Variants in NLGN4X observed in about 807,000 individuals in gnomAD.
NLGN4X encodes neuroligin 4 X-linked.
A neutral mutation model predicts 40.3 loss-of-function variants in NLGN4X; 3 were observed. The observed-to-expected ratio is 0.07, with a 90% CI of 0.03 to 0.19. The LOEUF is 0.19. Among genes scored for constraint, NLGN4X ranks in the 10% least tolerant of loss-of-function variants. The pLI, the probability that NLGN4X is intolerant of heterozygous loss-of-function variation, is 1.00. For missense variants in NLGN4X, 382 were observed against 708.3 expected, an observed-to-expected ratio of 0.54 and a Z score of 5.23; for synonymous variants, 270 against 306.8, an observed-to-expected ratio of 0.88 and a Z score of 1.25.
At chrX:6,218,475 C>T (rs28590263) in intron 1 of NLGN4X, among the ~76,000 whole-genome samples, 436 of 17,150 alleles carry the variant, frequency 0.025, no homozygotes, top group African/African-American at 0.11. Flanking sequence ...AGATTAAACC[C>T]ACACACACAC....
chrX:6,217,220 C>T (rs928878951), intron 1 of NLGN4X, among the ~76,000 whole-genome samples: 3 of 111,758 alleles, frequency 2.7e-5, no homozygotes, highest in Admixed American at 9.5e-5. Context: ...TTTACATATA[C>T]AAATATATGT....
intron 2 of NLGN4X, among the ~76,000 whole-genome samples, chrX:6,102,943 A>G (rs2038951047): frequency 9.0e-6 from 1 of 111,423 alleles, no homozygotes; most frequent in Non-Finnish European, 1.9e-5. Context: ...CATCAGAAAA[A>G]TGACTCAATT....
chrX:6,208,486 A>C (rs1914466862), intron 1 of NLGN4X, among the ~76,000 whole-genome samples: 1 of 112,081 alleles, frequency 8.9e-6, no homozygotes, highest in African/African-American at 3.2e-5. Flanking sequence ...GTTATGAAAA[A>C]CATCTTCCAA....
intron 3 of NLGN4X, among the ~76,000 whole-genome samples, chrX:5,910,188 C>T (rs1272778979): frequency 8.9e-6 from 1 of 111,900 alleles, no homozygotes; most frequent in Non-Finnish European, 1.9e-5. Flanking sequence ...AAGACATACA[C>T]TCTCCTACTC....
At chrX:5,980,985 T>C (rs1430101982) in intron 3 of NLGN4X, among the ~76,000 whole-genome samples, 1 of 111,768 alleles carries the variant, frequency 8.9e-6, no homozygotes, top group East Asian at 2.8e-4. Context: ...TGTAGATTAA[T>C]TTGTACAAAA....
At chrX:6,170,010 A>AT (rs770344945) in intron 1 of NLGN4X, among the ~76,000 whole-genome samples, 84 of 103,906 alleles carry the variant, frequency 8.1e-4, no homozygotes, top group Non-Finnish European at 1.0e-3. Context: ...ACTGGACAAG[A>AT]TTTTTTTTTT....
At chrX:5,990,420 C>T (rs1333332381) in intron 3 of NLGN4X, among the ~76,000 whole-genome samples, 3 of 110,750 alleles carry the variant, frequency 2.7e-5, no homozygotes, top group Non-Finnish European at 3.8e-5. Flanking sequence ...GGGCGGGAGG[C>T]TGCAAGATGC....
At chrX:5,981,585 A>C (rs1199455616) in intron 3 of NLGN4X, among the ~76,000 whole-genome samples, 1 of 109,856 alleles carries the variant, frequency 9.1e-6, no homozygotes, top group Non-Finnish European at 1.9e-5. Context: ...ATTAAAAATA[A>C]TAAATATAAA....
intron 1 of NLGN4X, among the ~76,000 whole-genome samples, chrX:6,197,824 G>A (rs1236173885): frequency 9.1e-6 from 1 of 110,342 alleles, no homozygotes; most frequent in Admixed American, 9.7e-5. Flanking sequence ...AGCACTTCGG[G>A]AGGCTGAGGA....
chrX:6,144,936 G>C lies in NLGN4X; in HGVS notation c.472+6059C>G, dbSNP rs760470650. Among the ~76,000 whole-genome samples, 74 of 111,040 alleles carry C rather than the reference G, an allele frequency of 6.7e-4. 1 individual carries two copies. The highest frequency in any genetic ancestry group is 3.8e-4 in the Non-Finnish European group (20 of 52,993). On this transcript the variant is annotated intron_variant, in intron 2 of 5. Coordinates refer to ENST00000381095, the MANE Select transcript of NLGN4X (RefSeq NM_181332.3). ...GGCTGGGGGGTAGGGGTGGAGGGCG[G>C]TGCTTGCACATCTCTCAGGGACCAT...
At chrX:6,053,712 T>G (rs995495627) in intron 2 of NLGN4X, among the ~76,000 whole-genome samples, 1 of 111,894 alleles carries the variant, frequency 8.9e-6, no homozygotes, top group East Asian at 2.8e-4. Context: ...AAATTGACTC[T>G]GGCTCCTCCA....
chrX:6,009,792 G>A (rs757327590), intron 3 of NLGN4X, among the ~76,000 whole-genome samples: 4 of 112,334 alleles, frequency 3.6e-5, no homozygotes, highest in Non-Finnish European at 5.6e-5. Context: ...GTCCAGGCCC[G>A]TGGGAACACG....
chrX:6,163,376 A>C (rs2040438008), intron 1 of NLGN4X, among the ~76,000 whole-genome samples: 1 of 112,338 alleles, frequency 8.9e-6, no homozygotes. Context: ...AAATGTAAAG[A>C]TACACCAATC....
At chrX:6,121,520 C>A (rs999042040) in intron 2 of NLGN4X, among the ~76,000 whole-genome samples, 58 of 112,220 alleles carry the variant, frequency 5.2e-4, no homozygotes, top group African/African-American at 1.9e-3. Context: ...CATGGAGATG[C>A]AGGAAGATGC....
intron 3 of NLGN4X, among the ~76,000 whole-genome samples, chrX:6,019,194 A>T (rs1327338620): frequency 1.8e-5 from 2 of 112,202 alleles, no homozygotes; most frequent in Non-Finnish European, 3.8e-5. Context: ...AAATAAGACA[A>T]TTATACTAGA....
At position 6,226,137 on chromosome X, in the gene NLGN4X, G is replaced by A. The variant is rs1009710644; in HGVS notation, c.-306+2404C>T. 8.4e-5 allele frequency among the ~76,000 whole-genome samples: 9 copies of A among 106,646 alleles called. 1 individual carries two copies. The East Asian group carries it at 1.2e-3, about 15-fold the overall frequency. 92.6% of individuals were successfully genotyped at this position (106,646 alleles called of 115,157 possible). ...TGACGCGCGCGCCCAGCACCCGGGC[G>A]AGTTGCAAGCCCCGGCGCACCGCAG... On this transcript the variant is annotated intron_variant, in intron 1 of 5. Transcript: ENST00000381095.
intron 1 of NLGN4X, among the ~76,000 whole-genome samples, chrX:6,193,030 G>A (rs1178807554): frequency 8.9e-6 from 1 of 111,790 alleles, no homozygotes; most frequent in Non-Finnish European, 1.9e-5. Flanking sequence ...GTCCAACGGT[G>A]CAGTCCAGAA....
chrX:6,064,700 G>C (rs2037862724), intron 2 of NLGN4X, among the ~76,000 whole-genome samples: 1 of 111,201 alleles, frequency 9.0e-6, no homozygotes, highest in African/African-American at 3.3e-5. Context: ...AGGAGATCGA[G>C]GCAAAGTAAA....
intron 2 of NLGN4X, among the ~76,000 whole-genome samples, chrX:6,078,324 T>C (rs1275564740): frequency 8.9e-6 from 1 of 112,146 alleles, no homozygotes; most frequent in African/African-American, 3.2e-5. Context: ...TCATGAATAG[T>C]TAATTCATGG....
Sources: allele counts gnomAD v4.1 joint callset (sites outside exome capture counted in the v4.1 genomes callset), GRCh38; gene constraint gnomAD v4.1.1; transcripts MANE v1.5; gene names NCBI Gene and HGNC (gene_info 2026-07-23, HGNC 2026-07-21).